RHBDD1: variants seen among roughly 807,000 people sequenced by gnomAD.
RHBDD1 encodes the protein rhomboid domain containing 1, also known as rhomboid-related protein 4.
In RHBDD1, 38 loss-of-function variants were observed where a neutral mutation model predicts 36.3. That is an observed-to-expected ratio of 1.05 (90% CI 0.81 to 1.37). RHBDD1 has a LOEUF of 1.37. Ranked by LOEUF, RHBDD1 falls within the 40% of genes most tolerant of loss-of-function variation. The pLI, the probability that RHBDD1 is intolerant of heterozygous loss-of-function variation, is 0.00. For synonymous variants in RHBDD1, 151 were observed against 136.5 expected (o/e 1.11, Z -0.74); for missense variants, 393 against 377.6 (o/e 1.04, Z -0.34).
chr2:226,812,562 T>A, the RHBDD1 span, among the ~76,000 whole-genome samples: 1 of 152,192 alleles, frequency 6.6e-6, no homozygotes, highest in Non-Finnish European at 1.5e-5. Flanking sequence ...ATTTAGTAGA[T>A]CTATATGTCC....
chr2:226,816,275 A>C, the RHBDD1 span, among the ~76,000 whole-genome samples: 1 of 151,806 alleles, frequency 6.6e-6, no homozygotes, highest in Non-Finnish European at 1.5e-5. Context: ...TGCCAGGGTG[A>C]ATTCAAGACC....
At chr2:226,943,054 A>G (rs1950765057) in intron 8 of RHBDD1, among the ~76,000 whole-genome samples, 1 of 152,188 alleles carries the variant, frequency 6.6e-6, no homozygotes, top group South Asian at 2.1e-4. Flanking sequence ...ACCAAGAGTC[A>G]TATGTTGGTT....
intron 8 of RHBDD1, among the ~76,000 whole-genome samples, chr2:226,974,234 T>TATTTTATTTC (rs1200559674): frequency 6.6e-6 from 1 of 151,582 alleles, no homozygotes; most frequent in Non-Finnish European, 1.5e-5. Flanking sequence ...TTTTTTATTT[T>TATTTTATTTC]ATTTTATTTT....
Position 226,926,724 on chromosome 2 carries a change from G to T in RHBDD1, c.856+12373G>T, listed in dbSNP as rs970781150. On this transcript the variant is annotated intron_variant, in intron 8 of 8. Transcript: ENST00000392062. ...AAAGTGACTGACAAGTCTCTCTGTT[G>T]CAAAGGTACATTTTTCCCTTTGCTG... 2.0e-5 allele frequency among the ~76,000 whole-genome samples: 3 copies of T among 152,286 alleles called. No homozygotes were observed. In the South Asian group the frequency reaches 6.2e-4, roughly 32 times the overall value.
the RHBDD1 span, among the ~76,000 whole-genome samples, chr2:226,822,854 G>A: frequency 6.6e-6 from 1 of 152,040 alleles, no homozygotes; most frequent in African/African-American, 2.4e-5. Context: ...GGCCAGGCGC[G>A]GAGGCTTACA....
rs760149100 is a variant in RHBDD1, at chr2:226,864,924, T to C, written c.231T>C (p.Asp77=). The change falls in exon 4 of 9, where the codon GAT becomes GAC. Residue 77 remains aspartate, a synonymous_variant. Transcript: ENST00000392062. ...RLLLSPLHHA[D]DWHLYFNMAS... ...TGCTCTCTCCCCTTCACCATGCTGA[T>C]GATTGGCATTTGTATTTCAATATGG... 1.2e-5 allele frequency: 20 copies of C among 1,614,246 alleles called. No homozygotes were observed. The highest frequency in any genetic ancestry group is 1.7e-5 in the Non-Finnish European group (20 of 1,180,036).
At chr2:226,914,154 G>C in intron 7 of RHBDD1, 54 bp from the exon 8 acceptor site, 1 of 1,543,686 alleles carries the variant, frequency 6.5e-7, no homozygotes, top group Non-Finnish European at 8.9e-7. Flanking sequence ...AAAACAGGAA[G>C]TATAAAACAA....
At chr2:226,979,552 T>C (rs1447949248) in intron 8 of RHBDD1, among the ~76,000 whole-genome samples, 1 of 151,966 alleles carries the variant, frequency 6.6e-6, no homozygotes, top group African/African-American at 2.4e-5. Context: ...GGCTGGCTCA[T>C]CATATTCAAA....
At chr2:226,933,964 A>C (rs960605265) in intron 8 of RHBDD1, among the ~76,000 whole-genome samples, 3 of 152,054 alleles carry the variant, frequency 2.0e-5, no homozygotes, top group African/African-American at 4.8e-5. Context: ...TTGGATTCCA[A>C]GGTTTTAGAC....
chr2:226,936,702 T>C (rs948143593), intron 8 of RHBDD1, among the ~76,000 whole-genome samples: 1 of 152,154 alleles, frequency 6.6e-6, no homozygotes, highest in East Asian at 1.9e-4. Flanking sequence ...ATGATGTTGC[T>C]CAGTACCGTC....
At chr2:226,938,958 G>T (rs1208408145) in intron 8 of RHBDD1, among the ~76,000 whole-genome samples, 5 of 152,182 alleles carry the variant, frequency 3.3e-5, no homozygotes, top group Non-Finnish European at 5.9e-5. Flanking sequence ...ATCTCTGGAT[G>T]CAAGGCTGGT....
At chr2:226,840,808 A>G (rs568229837) in intron 3 of RHBDD1, among the ~76,000 whole-genome samples, 3 of 152,160 alleles carry the variant, frequency 2.0e-5, no homozygotes, top group African/African-American at 7.2e-5. Context: ...CAATGACTTC[A>G]GTTTTATAAA....
chr2:226,871,107 A>C (rs1261235257), intron 5 of RHBDD1, among the ~76,000 whole-genome samples: 1 of 152,196 alleles, frequency 6.6e-6, no homozygotes, highest in Non-Finnish European at 1.5e-5. Context: ...ATTTGGCTAG[A>C]TTGATCAAAT....
intron 5 of RHBDD1, chr2:226,895,686 G>C: frequency 1.0e-6 from 1 of 985,354 alleles, no homozygotes; most frequent in East Asian, 1.1e-4. Context: ...TAGCAACACA[G>C]ATCCTAAAGA....
chr2:226,851,952 T>G (rs1942857833), intron 3 of RHBDD1, among the ~76,000 whole-genome samples: 1 of 152,236 alleles, frequency 6.6e-6, no homozygotes, highest in Non-Finnish European at 1.5e-5. Flanking sequence ...GTTTTACCTT[T>G]TAGTTCTTCA....
At chr2:226,974,019 C>T (rs951008475) in intron 8 of RHBDD1, among the ~76,000 whole-genome samples, 1 of 152,140 alleles carries the variant, frequency 6.6e-6, no homozygotes, top group Non-Finnish European at 1.5e-5. Flanking sequence ...ACCGCCTTTC[C>T]ACATGCTTGC....
At chr2:226,831,634 T>C (rs540686479), upstream of RHBDD1, among the ~76,000 whole-genome samples, 1 of 152,234 alleles carries the variant, frequency 6.6e-6, no homozygotes, top group South Asian at 2.1e-4. Context: ...GCCAACACTT[T>C]GATCGAGCTT....
chr2:226,895,612 A>G, intron 5 of RHBDD1: 1 of 948,066 alleles, frequency 1.1e-6, no homozygotes, highest in Non-Finnish European at 1.3e-6. Context: ...ATTTTGTGTG[A>G]TTTCACTTAC....
In RHBDD1 at chr2:226,915,200, A is replaced by T. The variant is rs530506334; in HGVS notation, c.856+849A>T. 2.0e-5 allele frequency among the ~76,000 whole-genome samples: 3 copies of T among 152,260 alleles called. No homozygotes were observed. The South Asian group carries it at 6.2e-4, about 32-fold the overall frequency. ...TAGGGAGAAGATGGTGAGCTTTTTC[A>T]TACCTAGAACTATCAGATTTTCACA... On this transcript the variant is annotated intron_variant, in intron 8 of 8. Coordinates refer to ENST00000392062, the MANE Select transcript of RHBDD1 (RefSeq NM_001167608.3).
Sources: gnomAD v4.1 joint callset for allele counts (sites outside exome capture counted in the v4.1 genomes callset) on GRCh38, gnomAD v4.1.1 for gene constraint, MANE v1.5 for transcripts, NCBI Gene and HGNC (gene_info 2026-07-23, HGNC 2026-07-21) for gene names.